Variants in MCC observed in about 807,000 individuals in gnomAD.
The protein encoded by MCC is colorectal mutant cancer protein.
In MCC, 90 loss-of-function variants were observed where a neutral mutation model predicts 116.2. The observed-to-expected ratio is 0.77, with a 90% CI of 0.65 to 0.92. The LOEUF (loss-of-function observed/expected upper bound fraction) is 0.92, where lower values mean the gene tolerates loss of function less well. Ranked by LOEUF, MCC falls within the 40% of genes least tolerant of loss-of-function variation. The pLI is 0.00. For missense variants in MCC, 1,516 were observed against 1,312.2 expected (o/e 1.16, Z -2.40); for synonymous variants, 578 against 510.5 (o/e 1.13, Z -1.78).
At chr5:113,072,554 C>G (rs1001411250) in intron 11 of MCC, among the ~76,000 whole-genome samples, 1 of 152,226 alleles carries the variant, frequency 6.6e-6, no homozygotes, top group Non-Finnish European at 1.5e-5. Context: ...ATCTGTTACT[C>G]TTTCCTTCTT....
chr5:113,132,407 C>CAT (rs1267813272), intron 5 of MCC, among the ~76,000 whole-genome samples: 10 of 62,566 alleles, frequency 1.6e-4, no homozygotes, highest in Admixed American at 3.9e-4. Flanking sequence ...TACATACATA[C>CAT]ATATATATAT....
At chr5:113,341,510 T>C (rs1328273443) in intron 2 of MCC, among the ~76,000 whole-genome samples, 8 of 152,212 alleles carry the variant, frequency 5.3e-5, no homozygotes, top group Non-Finnish European at 1.2e-4. Flanking sequence ...ACTGTTGATG[T>C]ACTCTTACCT....
chr5:113,203,740 A>G (rs994381188), intron 3 of MCC, among the ~76,000 whole-genome samples: 22 of 152,208 alleles, frequency 1.4e-4, no homozygotes, highest in African/African-American at 5.1e-4. Context: ...ATTACAAATA[A>G]AGGCTACATG....
At chr5:113,486,400 T>A (rs1772526914) in intron 1 of MCC, among the ~76,000 whole-genome samples, 2 of 152,208 alleles carry the variant, frequency 1.3e-5, no homozygotes, top group African/African-American at 4.8e-5. Context: ...ACAGAATTCA[T>A]TATCCTCCCG....
chr5:113,031,956 G>A (rs1397605892), intron 17 of MCC, among the ~76,000 whole-genome samples: 1 of 152,224 alleles, frequency 6.6e-6, no homozygotes, highest in Non-Finnish European at 1.5e-5. Flanking sequence ...GGGAATGGGA[G>A]TGAACCGCTG....
chr5:113,138,541 A>G (rs903717328), intron 5 of MCC, among the ~76,000 whole-genome samples: 3 of 152,154 alleles, frequency 2.0e-5, no homozygotes, highest in African/African-American at 4.8e-5. Flanking sequence ...CAGAGCCTCA[A>G]TGGGGAAATA....
rs945899925 is a variant in MCC at position 113,201,053 on chromosome 5, C to G, written c.628-49631G>C. Among the ~76,000 whole-genome samples the G allele has an allele frequency of 7.2e-5, 11 of 152,234 alleles. No individual in the cohort carries two copies. In the East Asian group the frequency reaches 1.5e-3, roughly 21 times the overall value. On this transcript the variant is annotated intron_variant, in intron 3 of 18. Transcript: ENST00000408903. ...CCCCTTACACAGGGGGAAAAAGCCT[C>G]GGATGTATCCATCTATATGCTTGGA...
At chr5:113,303,025 A>T (rs1766900722) in intron 3 of MCC, among the ~76,000 whole-genome samples, 1 of 152,228 alleles carries the variant, frequency 6.6e-6, no homozygotes, top group South Asian at 2.1e-4. Context: ...AGGTAATGAG[A>T]GAAAGATAGG....
chr5:113,470,738 G>C (rs531031226), intron 1 of MCC, among the ~76,000 whole-genome samples: 262 of 138,672 alleles, frequency 1.9e-3, no homozygotes, highest in African/African-American at 6.7e-3. Flanking sequence ...TGCCTTGCTA[G>C]ATTGGGGAAG....
rs544871547 is a variant in MCC at position 113,411,652 on chromosome 5, T to G, written c.171-26440A>C. On this transcript the variant is annotated intron_variant, in intron 1 of 18. Transcript: ENST00000408903. ...GATTTTTACACTTTAATTAAAAGAT[T>G]CATAAAAACAGCTAACCTTTAAAAA... 3.9e-5 allele frequency among the ~76,000 whole-genome samples: 6 copies of G among 152,274 alleles called. No individual in the cohort carries two copies. The East Asian group carries it at 1.2e-3, about 29-fold the overall frequency.
chr5:113,449,521 C>T (rs1054139260), intron 1 of MCC, among the ~76,000 whole-genome samples: 4 of 152,194 alleles, frequency 2.6e-5, no homozygotes, highest in African/African-American at 4.8e-5. Flanking sequence ...GCTGCCTCAG[C>T]GGAGGCCAGG....
At chr5:113,453,908 C>G (rs538851549) in intron 1 of MCC, among the ~76,000 whole-genome samples, 4 of 151,964 alleles carry the variant, frequency 2.6e-5, no homozygotes, top group African/African-American at 7.2e-5. Context: ...GTTGGGAGTT[C>G]GAGACCACCC....
intron 8 of MCC, 135 bp downstream of exon 8, chr5:113,101,604 A>G (rs1756414265): frequency 3.6e-6 from 3 of 840,924 alleles, no homozygotes; most frequent in Non-Finnish European, 5.6e-6. Flanking sequence ...GAAGGACTTC[A>G]TAACAGGAAA....
At chr5:113,144,138 T>C (rs998051235) in intron 4 of MCC, among the ~76,000 whole-genome samples, 5 of 152,078 alleles carry the variant, frequency 3.3e-5, no homozygotes, top group African/African-American at 9.7e-5. Context: ...TTAGCAGAAA[T>C]AGTGATAAAA....
chr5:113,257,075 T>C (rs1484785976), intron 3 of MCC, among the ~76,000 whole-genome samples: 1 of 152,224 alleles, frequency 6.6e-6, no homozygotes, highest in Non-Finnish European at 1.5e-5. Flanking sequence ...TCTCCTTTTG[T>C]GTTTTCCCCT....
chr5:113,432,046 G>A (rs1220418968), intron 1 of MCC, among the ~76,000 whole-genome samples: 2 of 152,210 alleles, frequency 1.3e-5, no homozygotes, highest in African/African-American at 4.8e-5. Flanking sequence ...TGAGGCAGGA[G>A]AATTGGTTGA....
intron 5 of MCC, among the ~76,000 whole-genome samples, chr5:113,137,949 C>T (rs1160418421): frequency 2.9e-5 from 1 of 34,992 alleles, no homozygotes; most frequent in Non-Finnish European, 1.2e-4. Context: ...TGATTCTTGG[C>T]TACATTACCC....
At chr5:113,413,262 A>G (rs1387963385) in intron 1 of MCC, among the ~76,000 whole-genome samples, 1 of 152,174 alleles carries the variant, frequency 6.6e-6, no homozygotes, top group African/African-American at 2.4e-5. Flanking sequence ...CCAGCCTTTG[A>G]TATCAGAATG....
chr5:113,317,264 C>T (rs1417184614), intron 3 of MCC, among the ~76,000 whole-genome samples: 1 of 152,032 alleles, frequency 6.6e-6, no homozygotes, highest in Admixed American at 6.6e-5. Context: ...GTTCGCTAAC[C>T]CACTTAAAAA....
Sources: allele counts gnomAD v4.1 joint callset (sites outside exome capture counted in the v4.1 genomes callset), GRCh38; gene constraint gnomAD v4.1.1; transcripts MANE v1.5; gene names NCBI Gene and HGNC (gene_info 2026-07-23, HGNC 2026-07-21).